The following STK39 variants were observed in gnomAD, a reference collection of about 807,000 sequenced individuals.
STK39 encodes serine/threonine kinase 39, also known as STE20/SPS1-related proline-alanine-rich protein kinase.
STK39 carries 20 observed loss-of-function variants against 77.8 expected under a neutral mutation model. The ratio of observed to expected loss-of-function variants is 0.26; its 90% CI spans 0.18 to 0.37. The LOEUF is 0.37. Among genes scored for constraint, STK39 ranks in the 10% least tolerant of loss-of-function variants. The pLI is 1.00. For synonymous variants in STK39, 246 were observed against 234.1 expected, an observed-to-expected ratio of 1.05 and a Z score of -0.47; for missense variants, 479 against 656.5, an observed-to-expected ratio of 0.73 and a Z score of 2.95.
chr2:168,214,525 G>A (rs1384336858), intron 1 of STK39, among the ~76,000 whole-genome samples: 1 of 152,110 alleles, frequency 6.6e-6, no homozygotes, highest in African/African-American at 2.4e-5. Flanking sequence ...TATGGGGAAT[G>A]GTGGAAATGT....
intron 10 of STK39, among the ~76,000 whole-genome samples, chr2:168,107,001 C>T (rs6724666): frequency 0.97 from 148,243 of 152,302 alleles, 72,253 homozygotes; most frequent in East Asian, 1. Flanking sequence ...TTATAACAGA[C>T]TAGTCTCCTG....
At chr2:168,024,660 C>A (rs1199388214) in intron 14 of STK39, among the ~76,000 whole-genome samples, 1 of 152,190 alleles carries the variant, frequency 6.6e-6, no homozygotes, top group African/African-American at 2.4e-5. Context: ...CTGGTCATTA[C>A]GAATTACCCA....
rs1691713802 is a variant in STK39, at chr2:167,954,443, G to A, written c.*1053C>T. On this transcript the variant is annotated 3_prime_UTR_variant, in exon 18 of 18. Coordinates refer to ENST00000355999, the MANE Select transcript of STK39 (RefSeq NM_013233.3). Reference sequence around the variant, plus strand: ...AACCCTTCCAATTTTCACTCCACCTGGGTATTCTGCAAAATTTCAAGTAAA... The same window carrying A: ...AACCCTTCCAATTTTCACTCCACCTAGGTATTCTGCAAAATTTCAAGTAAA... 6.6e-6 allele frequency: 1 copy of A among 152,508 alleles called. No individual in the cohort carries two copies. The highest frequency in any genetic ancestry group is 6.5e-5 in the Admixed American group (1 of 15,270). The allele number at this position is 152,508 out of a possible 1,614,324, so 9.4% of individuals were successfully genotyped here. A position where few individuals can be genotyped will look rare whatever the true frequency, so the allele number is the denominator to read the frequency against.
chr2:168,194,432 T>C (rs1038607344), intron 1 of STK39, among the ~76,000 whole-genome samples: 3 of 151,866 alleles, frequency 2.0e-5, no homozygotes, highest in African/African-American at 7.3e-5. Context: ...AATAAATTAA[T>C]TAATTAAAGT....
chr2:168,216,337 C>T (rs1056441220), intron 1 of STK39, among the ~76,000 whole-genome samples: 4 of 152,196 alleles, frequency 2.6e-5, no homozygotes, highest in Admixed American at 6.5e-5. Flanking sequence ...TTCTGTCAAT[C>T]GACTTGAGGT....
intron 14 of STK39, among the ~76,000 whole-genome samples, chr2:168,045,997 A>G (rs1685229871): frequency 1.3e-5 from 2 of 152,122 alleles, no homozygotes; most frequent in Admixed American, 1.3e-4. Context: ...CTGGCATCTC[A>G]TTCCCCAGAT....
At chr2:168,142,194 C>T (rs1051065607) in intron 5 of STK39, among the ~76,000 whole-genome samples, 1 of 152,268 alleles carries the variant, frequency 6.6e-6, no homozygotes, top group Admixed American at 6.5e-5. Flanking sequence ...ACCAGTCAGT[C>T]TCCTGTGGGT....
chr2:168,230,007 A>T (rs910451773), intron 1 of STK39, among the ~76,000 whole-genome samples: 4 of 152,222 alleles, frequency 2.6e-5, no homozygotes, highest in Non-Finnish European at 4.4e-5. Context: ...TATAACAACG[A>T]GAGTGTACAC....
chr2:168,240,066 G>C (rs1343703098), intron 1 of STK39, among the ~76,000 whole-genome samples: 1 of 152,212 alleles, frequency 6.6e-6, no homozygotes, highest in Admixed American at 6.5e-5. Context: ...AAAAGACAGA[G>C]CTCTTTGCTA....
chr2:168,067,460 C>T (rs1685825657), intron 12 of STK39, among the ~76,000 whole-genome samples: 1 of 152,206 alleles, frequency 6.6e-6, no homozygotes, highest in Non-Finnish European at 1.5e-5. Flanking sequence ...CACCTTCCAC[C>T]ATGAGCAAAA....
In STK39 at chr2:168,101,498, G is replaced by A. The variant is rs545672289; in HGVS notation, c.1090-26267C>T. ...CACACCTGTAATCCCAGCACTTTGG[G>A]AGGATGAGGCAGGTGGATCACTTGA... On this transcript the variant is annotated intron_variant, in intron 10 of 17. Transcript: ENST00000355999. 9.2e-5 allele frequency among the ~76,000 whole-genome samples: 14 copies of A among 152,250 alleles called. No homozygotes were observed. In the South Asian group the frequency reaches 2.9e-3, roughly 32 times the overall value.
intron 2 of STK39, among the ~76,000 whole-genome samples, chr2:168,172,353 G>T (rs1449118718): frequency 6.6e-6 from 1 of 152,176 alleles, no homozygotes; most frequent in Admixed American, 6.5e-5. Flanking sequence ...GGCTCAAGGA[G>T]TTTGCTGTAA....
At chr2:168,240,468 CCAG>C (rs1690730512) in intron 1 of STK39, among the ~76,000 whole-genome samples, 1 of 152,124 alleles carries the variant, frequency 6.6e-6, no homozygotes, top group Non-Finnish European at 1.5e-5. Flanking sequence ...CTGAACTAAA[CCAG>C]TGGTGGCTGA....
Position 168,140,363 on chromosome 2 carries a change from T to A in STK39, c.766A>T (p.Met256Leu). 1 of 1,614,080 alleles carries A rather than the reference T, an allele frequency of 6.2e-7. No individual in the cohort carries two copies. The highest frequency in any genetic ancestry group is 8.5e-7 in the Non-Finnish European group (1 of 1,179,960). Residue 256 changes from methionine to leucine, a missense_variant, in exon 7 of 18, where the codon ATG (methionine) becomes TTG (leucine). Physicochemically the swap from Met to Leu is conservative, Grantham distance 15. Around this residue, in one of 3 missense-constraint regions of STK39, gnomAD observed 139 missense variants for 280.6 expected, o/e 0.50. Coordinates refer to ENST00000355999, the MANE Select transcript of STK39 (RefSeq NM_013233.3). The part of the protein sequence containing the change: ...QVRGYDFKAD[M>L]WSFGITAIEL... ...ATGGCAGTTATTCCAAAACTCCACATGTCAGCCTTGAAGTCATAGCCTCTC... is the reference window on the plus strand; with the variant it reads ...ATGGCAGTTATTCCAAAACTCCACAAGTCAGCCTTGAAGTCATAGCCTCTC...
chr2:168,223,510 CAAAAAAAAA>C (rs60067513), intron 1 of STK39, among the ~76,000 whole-genome samples: 1 of 102,224 alleles, frequency 9.8e-6, no homozygotes, highest in Non-Finnish European at 1.9e-5. Flanking sequence ...GACTCCGTCT[CAAAAAAAAA>C]AAAAAAAAAA....
intron 5 of STK39, among the ~76,000 whole-genome samples, chr2:168,161,545 T>C (rs1688573101): frequency 1.3e-5 from 2 of 152,212 alleles, no homozygotes; most frequent in Admixed American, 1.3e-4. Flanking sequence ...ATAATAAAAT[T>C]GAAAATAAAA....
chr2:168,048,503 C>CACCCGGCCCG (rs142317906), intron 14 of STK39, among the ~76,000 whole-genome samples: 15 of 150,384 alleles, frequency 1.0e-4, no homozygotes, highest in Non-Finnish European at 2.1e-4. Flanking sequence ...TGAGCCACCG[C>CACCCGGCCCG]GCCCGGCCCG....
intron 1 of STK39, among the ~76,000 whole-genome samples, chr2:168,209,871 C>T (rs181362687): frequency 1.3e-5 from 2 of 151,614 alleles, no homozygotes; most frequent in African/African-American, 2.4e-5. Flanking sequence ...TGGTGGCAGG[C>T]GTCTATAATC....
At chr2:168,087,526 T>G (rs931817196) in intron 10 of STK39, among the ~76,000 whole-genome samples, 1 of 152,274 alleles carries the variant, frequency 6.6e-6, no homozygotes, top group African/African-American at 2.4e-5. Context: ...GAGCTAAGGC[T>G]TCTCTGAAGA....
Sources: allele counts gnomAD v4.1 joint callset (sites outside exome capture counted in the v4.1 genomes callset), GRCh38; gene constraint gnomAD v4.1.1; regional missense constraint gnomAD v4.1.1; transcripts MANE v1.5; gene names NCBI Gene and HGNC (gene_info 2026-07-23, HGNC 2026-07-21).